The following RIPOR3 variants were observed in gnomAD, a reference collection of about 807,000 sequenced individuals.
RIPOR3 encodes the protein family with sequence similarity 65 member C.
In RIPOR3, 95 loss-of-function variants were observed where a neutral mutation model predicts 114.3. The observed-to-expected ratio is 0.83, with a 90% CI of 0.70 to 0.99. The LOEUF is 0.99. Ranked by LOEUF, RIPOR3 falls within the 50% of genes least tolerant of loss-of-function variation. RIPOR3 has a pLI of 0.00. For synonymous variants in RIPOR3, 575 were observed against 543.8 expected, an observed-to-expected ratio of 1.06 and a Z score of -0.80; for missense variants, 1,252 against 1,266.9, an observed-to-expected ratio of 0.99 and a Z score of 0.18.
chr20:50,620,542 G>T (rs780639552), intron 2 of RIPOR3, among the ~76,000 whole-genome samples: 11 of 152,044 alleles, frequency 7.2e-5, no homozygotes, highest in Non-Finnish European at 1.5e-5. Flanking sequence ...CACAAGAATC[G>T]CTTGAACCCG....
At chr20:50,668,142 C>T (rs142551009) in intron 1 of RIPOR3, among the ~76,000 whole-genome samples, 5 of 152,250 alleles carry the variant, frequency 3.3e-5, no homozygotes, top group South Asian at 4.1e-4. Context: ...CTGCCAGTCC[C>T]GGGAGAACTG....
Position 50,608,711 on chromosome 20 carries a change from A to G in RIPOR3, c.712T>C (p.Trp238Arg), listed in dbSNP as rs1397370338. The part of the protein sequence containing the change: ...EVLMRLGRQR[W>R]KLKGRIESDD... ...GACTCGATCCGACCCTTGAGCTTCC[A>G]ACGCTGGCGGCCCAGACGCATGAGC... Residue 238 changes from tryptophan (W) to arginine (R), a missense_variant, in exon 10 of 22, where the codon TGG becomes CGG. Coordinates refer to ENST00000327979, the MANE Select transcript of RIPOR3 (RefSeq NM_001290268.2). 6.2e-7 allele frequency: 1 copy of G among 1,614,016 alleles called. No homozygotes were observed. Among genetic ancestry groups the G allele is most frequent in the Admixed American group, 1.7e-5 (1 of 60,014 alleles).
intron 1 of RIPOR3, among the ~76,000 whole-genome samples, chr20:50,686,785 CG>C (rs1441684523): frequency 6.6e-6 from 1 of 151,920 alleles, no homozygotes; most frequent in Non-Finnish European, 1.5e-5. Context: ...AAAAAGTGCA[CG>C]TTTTTTAGTT....
chr20:50,599,009 G>A (rs1160341570), intron 13 of RIPOR3, among the ~76,000 whole-genome samples: 1 of 150,500 alleles, frequency 6.6e-6, no homozygotes, highest in Admixed American at 6.6e-5. Flanking sequence ...ACTGGGTTAG[G>A]TTCCTGTGAA....
At chr20:50,647,620 C>T (rs2085454792) in intron 1 of RIPOR3, among the ~76,000 whole-genome samples, 1 of 151,256 alleles carries the variant, frequency 6.6e-6, no homozygotes. Context: ...GTAGCTGGGA[C>T]TACAGGCGCC....
chr20:50,612,081 T>A (rs1157552752), intron 4 of RIPOR3, among the ~76,000 whole-genome samples: 9 of 148,546 alleles, frequency 6.1e-5, no homozygotes, highest in Admixed American at 1.4e-4. Flanking sequence ...TCTAAGACCG[T>A]GCCACTGTAC....
intron 1 of RIPOR3, among the ~76,000 whole-genome samples, chr20:50,655,222 A>G (rs1453463922): frequency 2.1e-4 from 32 of 152,236 alleles, no homozygotes; most frequent in Admixed American, 2.0e-3. Context: ...CCTTTTGCCA[A>G]GAAGAGGTTG....
chr20:50,596,033 A>G, intron 15 of RIPOR3, 107 bp downstream of exon 15: 1 of 1,489,038 alleles, frequency 6.7e-7, no homozygotes, highest in Non-Finnish European at 9.1e-7. Flanking sequence ...TCCAGGATGC[A>G]GGTCTGTCAC....
Position 50,665,078 on chromosome 20 carries a change from G to C in RIPOR3, c.3+26048C>G, listed in dbSNP as rs191351252. ...GATCATGCCACTGCATTCCAGCCTG[G>C]GTGACAGAGCGAGACCCTGTCTCAA... On this transcript the variant is annotated intron_variant, in intron 1 of 21. Coordinates refer to ENST00000327979, the MANE Select transcript of RIPOR3 (RefSeq NM_001290268.2). Among the ~76,000 whole-genome samples, 9 of 152,014 alleles carry C rather than the reference G, an allele frequency of 5.9e-5. No individual in the cohort carries two copies. The East Asian group carries it at 1.7e-3, about 30-fold the overall frequency.
At chr20:50,628,365 G>T (rs1038559311) in intron 2 of RIPOR3, among the ~76,000 whole-genome samples, 1 of 152,062 alleles carries the variant, frequency 6.6e-6, no homozygotes, top group Non-Finnish European at 1.5e-5. Context: ...AGCCCATGAG[G>T]CTCCGCAGGG....
chr20:50,622,468 C>T lies in RIPOR3; in HGVS notation c.123-2336G>A, dbSNP rs1036647329. ...AAGTACTAGGATTACAGGTGTGAGC[C>T]ACCGTGCCTGGCTCAGCATCAGTTA... On this transcript the variant is annotated intron_variant, in intron 2 of 21. Transcript: ENST00000327979. Among the ~76,000 whole-genome samples the T allele has an allele frequency of 2.6e-5, 4 of 152,230 alleles. No homozygotes were observed. The South Asian group carries it at 8.3e-4, about 32-fold the overall frequency.
At chr20:50,652,240 T>C (rs1027579631) in intron 1 of RIPOR3, among the ~76,000 whole-genome samples, 1 of 152,108 alleles carries the variant, frequency 6.6e-6, no homozygotes, top group Non-Finnish European at 1.5e-5. Flanking sequence ...CCCAGGCCTA[T>C]CCCACCCCCA....
At chr20:50,672,708 G>A (rs144286072) in intron 1 of RIPOR3, among the ~76,000 whole-genome samples, 164 of 152,302 alleles carry the variant, frequency 1.1e-3, no homozygotes, top group African/African-American at 3.7e-3. Flanking sequence ...CAAGTCAGGA[G>A]AATGGACTTT....
intron 1 of RIPOR3, among the ~76,000 whole-genome samples, chr20:50,633,980 C>CTTTTTTT (rs375758598): frequency 7.6e-6 from 1 of 131,036 alleles, no homozygotes; most frequent in Non-Finnish European, 1.6e-5. Context: ...TCTTTCTTTT[C>CTTTTTTT]TTTTTTTTTT....
At chr20:50,681,837 C>T (rs1340449055) in intron 1 of RIPOR3, among the ~76,000 whole-genome samples, 2 of 152,236 alleles carry the variant, frequency 1.3e-5, no homozygotes, top group Admixed American at 1.3e-4. Flanking sequence ...AGGCTTGCCT[C>T]TCCTGCAGGA....
chr20:50,609,950 CCTGCCACCA>C (rs1189230690), intron 6 of RIPOR3, among the ~76,000 whole-genome samples: 17 of 148,034 alleles, frequency 1.1e-4, no homozygotes, highest in South Asian at 2.1e-4. Context: ...ACCTGCCTCA[CCTGCCACCA>C]CTGCCTCACC....
intron 1 of RIPOR3, among the ~76,000 whole-genome samples, chr20:50,666,209 T>TCTCTTCTCTTCTCTTCTCTTCTC: frequency 8.8e-6 from 1 of 114,122 alleles, no homozygotes; most frequent in East Asian, 2.4e-4. Context: ...TTTCTTTTCT[T>TCTCTTCTCTTCTCTTCTCTTCTC]TTCTTTTCTT....
chr20:50,665,387 A>C (rs924818676), intron 1 of RIPOR3, among the ~76,000 whole-genome samples: 1 of 148,364 alleles, frequency 6.7e-6, no homozygotes, highest in Non-Finnish European at 1.5e-5. Flanking sequence ...TGTCTGGCTA[A>C]CTTGGCTCTA....
Position 50,597,654 on chromosome 20 carries a change from C to T in RIPOR3, c.1716G>A (p.Leu572=). ...CGGCATTGAGGAAGGCGAAGCTCTCCAGGATGCACTCCATCAGGCTCTCGG... is the reference window on the plus strand; with the variant it reads ...CGGCATTGAGGAAGGCGAAGCTCTCTAGGATGCACTCCATCAGGCTCTCGG... ...TSAESLMECI[L]ESFAFLNADF... is the part of the protein sequence containing the mutation. Residue 572 remains leucine, a synonymous_variant, in exon 14 of 22, where the codon CTG becomes CTA. Transcript: ENST00000327979. 1 of 1,612,314 alleles carries T rather than the reference C, an allele frequency of 6.2e-7. No homozygotes were observed. The highest frequency in any genetic ancestry group is 8.5e-7 in the Non-Finnish European group (1 of 1,179,248).
Sources: allele counts gnomAD v4.1 joint callset (sites outside exome capture counted in the v4.1 genomes callset), GRCh38; gene constraint gnomAD v4.1.1; transcripts MANE v1.5; gene names NCBI Gene and HGNC (gene_info 2026-07-23, HGNC 2026-07-21).